SLC12A6: variants seen among roughly 807,000 people sequenced by gnomAD.
SLC12A6 encodes the protein solute carrier family 12 member 6.
SLC12A6 carries 66 observed loss-of-function variants against 135.3 expected under a neutral mutation model. The observed-to-expected ratio is 0.49, with a 90% CI of 0.40 to 0.60. The LOEUF is 0.60. SLC12A6 is among the 20% of genes least tolerant of loss of function. The pLI is 0.00. For missense variants in SLC12A6, 1,058 were observed against 1,452.3 expected (o/e 0.73, Z 4.41); for synonymous variants, 513 against 508.8 (o/e 1.01, Z -0.11).
rs867261944 is a variant in SLC12A6 at position 34,236,686 on chromosome 15, G to A, written c.3042+22C>T. The A allele has an allele frequency of 9.3e-6, 12 of 1,285,102 alleles. No homozygotes were observed. In the Middle Eastern group the frequency reaches 1.5e-3, roughly 156 times the overall value. The allele number at this position is 1,285,102 out of a possible 1,614,324, so 79.6% of individuals were successfully genotyped here. A position where few individuals can be genotyped will look rare whatever the true frequency, so the allele number is the denominator to read the frequency against. On this transcript the variant is annotated intron_variant, in intron 23 of 25. Transcript: ENST00000354181. ...GACAGACTTTAGAGAGCACGGATTGGATTGATGCAGTAATGTCTCACCTCT... is the reference window on the plus strand; with the variant it reads ...GACAGACTTTAGAGAGCACGGATTGAATTGATGCAGTAATGTCTCACCTCT...
Position 34,336,790 on chromosome 15 carries a change from C to T in SLC12A6, c.-72-38G>A, listed in dbSNP as rs1029127193. The T allele has an allele frequency of 1.6e-5, 14 of 865,320 alleles. 1 individual carries two copies. The highest frequency in any genetic ancestry group is 2.7e-5 in the Non-Finnish European group (14 of 522,412). 53.6% of individuals were successfully genotyped at this position (865,320 alleles called of 1,614,324 possible). ...AGATAACTTGAAAAATAACACATTTCAATAACCTTGATTCACACCACACAA... is the reference window on the plus strand; with the variant it reads ...AGATAACTTGAAAAATAACACATTTTAATAACCTTGATTCACACCACACAA... On this transcript the variant is annotated intron_variant, in intron 1 of 25. Coordinates refer to ENST00000354181, the MANE Select transcript of SLC12A6 (RefSeq NM_001365088.1).
At chr15:34,325,315 A>G (rs981573638) in intron 2 of SLC12A6, among the ~76,000 whole-genome samples, 4 of 152,216 alleles carry the variant, frequency 2.6e-5, no homozygotes, top group Non-Finnish European at 5.9e-5. Context: ...AAATATAAAA[A>G]AGATCACAAA....
chr15:34,266,769 AT>A, intron 3 of SLC12A6, among the ~76,000 whole-genome samples: 2 of 152,118 alleles, frequency 1.3e-5, no homozygotes, highest in Non-Finnish European at 2.9e-5. Context: ...TTGTTTAGTT[AT>A]TATTATTATT....
chr15:34,281,512 G>A (rs1384931303), intron 2 of SLC12A6, among the ~76,000 whole-genome samples: 7 of 152,126 alleles, frequency 4.6e-5, no homozygotes, highest in Non-Finnish European at 8.8e-5. Flanking sequence ...TGAGTAAGCC[G>A]GGTGCAGTGG....
intron 2 of SLC12A6, among the ~76,000 whole-genome samples, chr15:34,292,434 C>T (rs570155668): frequency 2.4e-4 from 37 of 152,280 alleles, no homozygotes; most frequent in African/African-American, 8.7e-4. Context: ...CCTAGTCAGG[C>T]TACACAGGGG....
chr15:34,285,847 T>A (rs901293226), intron 2 of SLC12A6, among the ~76,000 whole-genome samples: 1 of 152,002 alleles, frequency 6.6e-6, no homozygotes, highest in African/African-American at 2.4e-5. Flanking sequence ...AAATACCATA[T>A]GATTCCACTT....
rs201829510 is a variant in SLC12A6 at position 34,255,806 on chromosome 15, G to GCA, written c.746-415_746-414insTG. Among the ~76,000 whole-genome samples, 258 of 143,160 alleles carry GCA rather than the reference G, an allele frequency of 1.8e-3. 1 individual carries two copies. The highest frequency in any genetic ancestry group is 3.6e-3 in the African/African-American group (140 of 38,826). The allele number at this position is 143,160 out of a possible 152,430, so 93.9% of individuals were successfully genotyped here. ...GGTAACATAGTAAAATGTCACCTCT[G>GCA]TAAAAAAAAAAAAATAGCCAGGCAT... On this transcript the variant is annotated intron_variant, in intron 7 of 25. Coordinates refer to ENST00000354181, the MANE Select transcript of SLC12A6 (RefSeq NM_001365088.1).
intron 3 of SLC12A6, 150 bp downstream of exon 3, chr15:34,275,195 T>A: frequency 1.8e-6 from 1 of 542,306 alleles, no homozygotes; most frequent in Admixed American, 3.1e-5. Context: ...CTTGGCAAGT[T>A]GGGAATAGAA....
At position 34,287,449 on chromosome 15, in the gene SLC12A6, T is replaced by G. The variant is rs2140948687; in HGVS notation, c.272-12060A>C. On this transcript the variant is annotated intron_variant, in intron 2 of 25. Transcript: ENST00000354181. Reference sequence around the variant, plus strand: ...TAGTGCCGCAATAAACATGCACATGTGTCTTTATCGTAAAATGATTTATAA... The same window carrying G: ...TAGTGCCGCAATAAACATGCACATGGGTCTTTATCGTAAAATGATTTATAA... Among the ~76,000 whole-genome samples the G allele has an allele frequency of 2.0e-5, 3 of 152,282 alleles. No individual in the cohort carries two copies. The Middle Eastern group carries it at 0.01, about 518-fold the overall frequency.
At chr15:34,288,795 T>C (rs1174711573) in intron 2 of SLC12A6, among the ~76,000 whole-genome samples, 1 of 152,230 alleles carries the variant, frequency 6.6e-6, no homozygotes. Flanking sequence ...TGTCTGTTAC[T>C]GGTGTATAGG....
chr15:34,295,919 G>C (rs1247389469), intron 2 of SLC12A6, among the ~76,000 whole-genome samples: 2 of 152,198 alleles, frequency 1.3e-5, no homozygotes, highest in African/African-American at 4.8e-5. Context: ...AGAATTGCTT[G>C]AACCCAGGAG....
At position 34,230,000 on chromosome 15, in the gene SLC12A6, A is replaced by G. The variant is rs1212752153; in HGVS notation, c.*3881T>C. ...AACTATACCATAACCCAAGGCTGAAAATAATGTAGAAAACTTTATTTTTGT... is the reference window on the plus strand; with the variant it reads ...AACTATACCATAACCCAAGGCTGAAGATAATGTAGAAAACTTTATTTTTGT... On this transcript the variant is annotated 3_prime_UTR_variant, in exon 26 of 26. Coordinates refer to ENST00000354181, the MANE Select transcript of SLC12A6 (RefSeq NM_001365088.1). 1 of 586,164 alleles carries G rather than the reference A, an allele frequency of 1.7e-6. No homozygotes were observed. 36.3% of individuals were successfully genotyped at this position (586,164 alleles called of 1,614,324 possible). A position where few individuals can be genotyped will look rare whatever the true frequency, so the allele number is the denominator to read the frequency against.
chr15:34,290,832 T>C (rs1251567958), intron 2 of SLC12A6, among the ~76,000 whole-genome samples: 3 of 152,226 alleles, frequency 2.0e-5, no homozygotes. Flanking sequence ...TTCATTTCCT[T>C]GGTAGATCTT....
At chr15:34,269,293 T>C (rs1249269049) in intron 3 of SLC12A6, among the ~76,000 whole-genome samples, 1 of 150,264 alleles carries the variant, frequency 6.7e-6, no homozygotes, top group African/African-American at 2.5e-5. Context: ...TTTCTGTTTT[T>C]CATGGCATAT....
chr15:34,303,706 AAG>A (rs1178725157), intron 2 of SLC12A6, among the ~76,000 whole-genome samples: 11 of 152,108 alleles, frequency 7.2e-5, no homozygotes, highest in Non-Finnish European at 2.9e-5. Context: ...TGTCATTATC[AAG>A]AGAGTTTGTA....
In SLC12A6 at chr15:34,241,348, A is replaced by T. The variant is rs749442979; in HGVS notation, c.2163-11T>A. 8 of 1,428,308 alleles carry T rather than the reference A, an allele frequency of 5.6e-6. No homozygotes were observed. The African/African-American group carries it at 1.1e-4, about 20-fold the overall frequency. 88.5% of individuals were successfully genotyped at this position (1,428,308 alleles called of 1,614,324 possible). On this transcript the variant is annotated splice_polypyrimidine_tract_variant and intron_variant, in intron 17 of 25. Transcript: ENST00000354181. The stretch of plus-strand genomic sequence containing the variant: ...CATTCTTTCTCAGCTCTGTGAGAAA[A>T]AGAAAAGAGCAGAGACAAATTTAAA...
chr15:34,313,442 T>C (rs1159789230), intron 2 of SLC12A6, among the ~76,000 whole-genome samples: 2 of 152,098 alleles, frequency 1.3e-5, no homozygotes. Context: ...AGAGAGTTGA[T>C]GGGGGTGCAA....
At chr15:34,286,217 G>A (rs1421131927) in intron 2 of SLC12A6, among the ~76,000 whole-genome samples, 2 of 151,768 alleles carry the variant, frequency 1.3e-5, no homozygotes, top group Non-Finnish European at 2.9e-5. Flanking sequence ...GTGATTACAG[G>A]CACGTGCCAC....
intron 2 of SLC12A6, among the ~76,000 whole-genome samples, chr15:34,331,316 T>C (rs1889829890): frequency 6.6e-6 from 1 of 152,186 alleles, no homozygotes; most frequent in African/African-American, 2.4e-5. Flanking sequence ...AGTTTTCATA[T>C]TTTTAGTAGA....
Sources: gnomAD v4.1 joint callset for allele counts (sites outside exome capture counted in the v4.1 genomes callset) on GRCh38, gnomAD v4.1.1 for gene constraint, MANE v1.5 for transcripts, NCBI Gene and HGNC (gene_info 2026-07-23, HGNC 2026-07-21) for gene names.